MOXD1: variants seen among roughly 807,000 people sequenced by gnomAD.
MOXD1 encodes monooxygenase DBH like 1.
Under a neutral mutation model 66.6 loss-of-function variants are expected in MOXD1, and 62 were observed. That is an observed-to-expected ratio of 0.93 (90% CI 0.76 to 1.15). MOXD1 has a LOEUF of 1.15. Ranked by LOEUF, MOXD1 falls within the 50% of genes most tolerant of loss-of-function variation. The pLI is 0.00. For synonymous variants in MOXD1, 303 were observed against 281.9 expected, an observed-to-expected ratio of 1.07 and a Z score of -0.75; for missense variants, 847 against 754.6, an observed-to-expected ratio of 1.12 and a Z score of -1.44.
chr6:132,342,318 A>T lies in MOXD1; in HGVS notation c.664-13724T>A, dbSNP rs139684019. On this transcript the variant is annotated intron_variant, in intron 4 of 11. Coordinates refer to ENST00000367963, the MANE Select transcript of MOXD1 (RefSeq NM_015529.4). ...CCTGGCCCAAATCAACTTTTAATCT[A>T]TTACAAAAACTAAAGGAGAAATGTG... Among the ~76,000 whole-genome samples the T allele has an allele frequency of 8.1e-4, 124 of 152,298 alleles. 1 individual carries two copies. Among genetic ancestry groups the T allele is most frequent in the Middle Eastern group, 3.4e-3 (1 of 294 alleles).
Position 132,401,296 on chromosome 6 carries a change from C to T in MOXD1, c.131G>A (p.Arg44Gln), listed in dbSNP as rs1453096102. 3.8e-6 allele frequency: 6 copies of T among 1,597,604 alleles called. No homozygotes were observed. Among genetic ancestry groups the T allele is most frequent in the Non-Finnish European group, 5.1e-6 (6 of 1,177,188 alleles). ...GAGGCGGAAGGCGATCTGGCTGCCC[C>T]GCTGGCTCCAGCCCAGCCAGTACTT... The part of the protein sequence containing the change: ...EGKYWLGWSQ[R>Q]GSQIAFRLQV... Residue 44 changes from arginine (R) to glutamine (Q), a missense_variant, in exon 1 of 12, where the codon CGG (arginine) becomes CAG (glutamine). Coordinates refer to ENST00000367963, the MANE Select transcript of MOXD1 (RefSeq NM_015529.4).
At chr6:132,335,018 G>A (rs1224642932) in intron 4 of MOXD1, among the ~76,000 whole-genome samples, 6 of 152,238 alleles carry the variant, frequency 3.9e-5, no homozygotes, top group East Asian at 1.9e-4. Context: ...AACTTAGAAC[G>A]AAGAAAATGT....
chr6:132,398,935 CA>C (rs150318811), intron 1 of MOXD1, among the ~76,000 whole-genome samples: 3,854 of 75,038 alleles, frequency 0.051, 207 homozygotes, highest in African/African-American at 0.15. Flanking sequence ...GAGACTTTGT[CA>C]AAAAAAAAAA....
In MOXD1 at chr6:132,324,100, A is replaced by T; in HGVS notation, c.947-3T>A. On this transcript the variant is annotated splice_region_variant and splice_polypyrimidine_tract_variant and intron_variant, in intron 6 of 11. Coordinates refer to ENST00000367963, the MANE Select transcript of MOXD1 (RefSeq NM_015529.4). ...CAGTCCAGAATTATCTATTAAGCCT[A>T]GAACAAAAGCACATAATTAAAGTGA... 1 of 1,609,638 alleles carries T rather than the reference A, an allele frequency of 6.2e-7. No individual in the cohort carries two copies. The highest frequency in any genetic ancestry group is 1.7e-5 in the Admixed American group (1 of 59,244).
At chr6:132,361,758 G>A (rs2114642873) in intron 4 of MOXD1, among the ~76,000 whole-genome samples, 1 of 151,542 alleles carries the variant, frequency 6.6e-6, no homozygotes, top group South Asian at 2.1e-4. Flanking sequence ...GCTCAATGAA[G>A]CAAATCTCAA....
chr6:132,316,171 C>A lies in MOXD1; in HGVS notation c.1366-394G>T, dbSNP rs576887102. 9.7e-5 allele frequency among the ~76,000 whole-genome samples: 10 copies of A among 102,660 alleles called. No individual in the cohort carries two copies. In the South Asian group the frequency reaches 2.5e-3, roughly 25 times the overall value. The allele number at this position is 102,660 out of a possible 152,430, so 67.3% of individuals were successfully genotyped here. ...GTGTATAAACATTAGCAGCTGCATA[C>A]GACGGGGAGAAAGATTTCATATTTT... On this transcript the variant is annotated intron_variant, in intron 9 of 11. Coordinates refer to ENST00000367963, the MANE Select transcript of MOXD1 (RefSeq NM_015529.4).
At chr6:132,367,628 A>T (rs958517379) in intron 4 of MOXD1, among the ~76,000 whole-genome samples, 7 of 152,086 alleles carry the variant, frequency 4.6e-5, no homozygotes, top group Admixed American at 1.3e-4. Context: ...TTCAGGGAGC[A>T]ACATTGAAAA....
intron 1 of MOXD1, chr6:132,390,641 G>A (rs1776741208): frequency 1.3e-5 from 2 of 151,442 alleles, no homozygotes; most frequent in South Asian, 4.2e-4. Flanking sequence ...CCAACATTCT[G>A]AGTACTTTCC....
In MOXD1 at chr6:132,322,713, A is replaced by C. The variant is rs1426313062; in HGVS notation, c.1271T>G (p.Phe424Cys). 1.2e-6 allele frequency: 2 copies of C among 1,613,868 alleles called. No individual in the cohort carries two copies. The highest frequency in any genetic ancestry group is 1.7e-6 in the Non-Finnish European group (2 of 1,179,940). The change falls in exon 8 of 12, where the codon TTT becomes TGT. Residue 424 changes from phenylalanine to cysteine, a missense_variant. Transcript: ENST00000367963. ...DDDFDFNFQE[F>C]QYLKEEQTIL... ...TGTTTGTTCTTCCTTTAGATACTGA[A>C]ACTCCTGGAAATTGAAGTCAAAATC... is the stretch of plus-strand genomic sequence containing the variant.
intron 4 of MOXD1, among the ~76,000 whole-genome samples, chr6:132,344,093 A>C (rs746317307): frequency 6.6e-6 from 1 of 152,246 alleles, no homozygotes; most frequent in Non-Finnish European, 1.5e-5. Flanking sequence ...GAAAACATTT[A>C]TGATGGCTTT....
At chr6:132,302,993 G>T (rs1582556996) in intron 10 of MOXD1, among the ~76,000 whole-genome samples, 2 of 152,028 alleles carry the variant, frequency 1.3e-5, no homozygotes, top group African/African-American at 4.8e-5. Flanking sequence ...ATATCTATAT[G>T]AAAAACAAAG....
intron 4 of MOXD1, among the ~76,000 whole-genome samples, chr6:132,359,459 C>A (rs1182009779): frequency 6.7e-6 from 1 of 150,304 alleles, no homozygotes; most frequent in Admixed American, 6.6e-5. Context: ...GAATATGATA[C>A]AAATTGCCAG....
intron 4 of MOXD1, among the ~76,000 whole-genome samples, chr6:132,331,882 G>T (rs772474855): frequency 1.3e-5 from 2 of 152,084 alleles, no homozygotes; most frequent in Admixed American, 6.5e-5. Context: ...AGGATGAAAG[G>T]CTTCAGTAAG....
intron 4 of MOXD1, among the ~76,000 whole-genome samples, chr6:132,347,839 C>A (rs891976235): frequency 3.3e-5 from 5 of 152,016 alleles, no homozygotes; most frequent in Non-Finnish European, 7.4e-5. Context: ...GAAAGTTAAA[C>A]AAATAAATGA....
chr6:132,313,181 C>T (rs990691319), intron 10 of MOXD1, among the ~76,000 whole-genome samples: 1 of 152,064 alleles, frequency 6.6e-6, no homozygotes, highest in African/African-American at 2.4e-5. Context: ...ATGCAAACCC[C>T]AACTCTCCCT....
intron 1 of MOXD1, among the ~76,000 whole-genome samples, chr6:132,382,644 ATGT>A (rs1179800236): frequency 6.6e-6 from 1 of 152,194 alleles, no homozygotes; most frequent in African/African-American, 2.4e-5. Context: ...CTCCTGAAAC[ATGT>A]TGTCACAAGA....
Position 132,322,880 on chromosome 6 carries a change from A to G in MOXD1, c.1114-10T>C, listed in dbSNP as rs2114572216. 6.2e-7 allele frequency: 1 copy of G among 1,602,276 alleles called. No homozygotes were observed. Among genetic ancestry groups the G allele is most frequent in the South Asian group, 1.1e-5 (1 of 89,052 alleles). On this transcript the variant is annotated splice_polypyrimidine_tract_variant and intron_variant, in intron 7 of 11. Coordinates refer to ENST00000367963, the MANE Select transcript of MOXD1 (RefSeq NM_015529.4). ...TTTCGGCTTCCAGAGCCTACAGGAGACACCGAGGAAGACCCGATTAGCCCA... is the reference window on the plus strand; with the variant it reads ...TTTCGGCTTCCAGAGCCTACAGGAGGCACCGAGGAAGACCCGATTAGCCCA...
At position 132,385,637 on chromosome 6, in the gene MOXD1, C is replaced by T. The variant is rs186470955; in HGVS notation, c.265-10860G>A. On this transcript the variant is annotated intron_variant, in intron 1 of 11. Transcript: ENST00000367963. Reference sequence around the variant, plus strand: ...TAACTGGGATTACAGGTGCCTGCCACCATGCCTGGCTAATTTTTGTATTAT... The same window carrying T: ...TAACTGGGATTACAGGTGCCTGCCATCATGCCTGGCTAATTTTTGTATTAT... Among the ~76,000 whole-genome samples, 848 of 151,838 alleles carry T rather than the reference C, an allele frequency of 5.6e-3. 9 individuals are homozygous for T. Among genetic ancestry groups the T allele is most frequent in the African/African-American group, 0.019 (806 of 41,502 alleles).
At chr6:132,392,691 G>A (rs1776792262) in intron 1 of MOXD1, among the ~76,000 whole-genome samples, 1 of 152,204 alleles carries the variant, frequency 6.6e-6, no homozygotes, top group Non-Finnish European at 1.5e-5. Flanking sequence ...GACCTCGGCA[G>A]CATTCAAGGG....
Sources: gnomAD v4.1 joint callset for allele counts (sites outside exome capture counted in the v4.1 genomes callset) on GRCh38, gnomAD v4.1.1 for gene constraint, MANE v1.5 for transcripts, NCBI Gene and HGNC (gene_info 2026-07-23, HGNC 2026-07-21) for gene names.